Variants in FOXN3 observed in about 807,000 individuals in gnomAD.
FOXN3 encodes forkhead box protein N3.
A neutral mutation model predicts 38.4 loss-of-function variants in FOXN3; 7 were observed. That is an observed-to-expected ratio of 0.18 (90% CI 0.10 to 0.34). The LOEUF is 0.34. FOXN3 is among the 10% of genes least tolerant of loss of function. The pLI, the probability that FOXN3 is intolerant of heterozygous loss-of-function variation, is 1.00. For synonymous variants in FOXN3, 230 were observed against 242.2 expected (o/e 0.95, Z 0.47); for missense variants, 456 against 613.4 (o/e 0.74, Z 2.71).
chr14:89,294,050 C>T (rs1252626559), intron 3 of FOXN3, among the ~76,000 whole-genome samples: 1 of 152,022 alleles, frequency 6.6e-6, no homozygotes, highest in Non-Finnish European at 1.5e-5. Flanking sequence ...TCCTCAGCTA[C>T]GTCCCTGCCT....
intron 4 of FOXN3, among the ~76,000 whole-genome samples, chr14:89,226,766 T>A (rs1429436006): frequency 1.3e-5 from 2 of 152,172 alleles, no homozygotes; most frequent in Admixed American, 6.5e-5. Context: ...TAATCTAATA[T>A]AAGCAGTATC....
In FOXN3 at chr14:89,163,885, G is replaced by A. The variant is rs1041466112; in HGVS notation, c.852-916C>T. On this transcript the variant is annotated intron_variant, in intron 5 of 5. Transcript: ENST00000557258. The surrounding 1 kb of genome is among the most constrained non-coding windows in gnomAD (Gnocchi z 4.3). ...GAGGTCTTAGCTACATCACCAGACC[G>A]ACCCTCCTTTGTGATTTCCCTATAA... Among the ~76,000 whole-genome samples, 1 of 152,182 alleles carries A rather than the reference G, an allele frequency of 6.6e-6. No individual in the cohort carries two copies. The highest frequency in any genetic ancestry group is 1.9e-4 in the East Asian group (1 of 5,190).
chr14:89,366,806 G>A (rs1890173141), intron 2 of FOXN3, among the ~76,000 whole-genome samples: 1 of 152,142 alleles, frequency 6.6e-6, no homozygotes, highest in Non-Finnish European at 1.5e-5. Context: ...CGGCAATAAA[G>A]GTAACGTGGG....
chr14:89,464,760 C>T (rs553527008), intron 1 of FOXN3, among the ~76,000 whole-genome samples: 11 of 152,180 alleles, frequency 7.2e-5, no homozygotes, highest in Non-Finnish European at 1.0e-4. Flanking sequence ...TACAATGGCA[C>T]GATCTCAGCT....
At chr14:89,239,772 C>T (rs1315153984) in intron 4 of FOXN3, among the ~76,000 whole-genome samples, 1 of 152,244 alleles carries the variant, frequency 6.6e-6, no homozygotes, top group Admixed American at 6.5e-5. Context: ...TATTGAAAAC[C>T]AATCATGTGC....
chr14:89,559,451 G>A (rs1330049444), intron 1 of FOXN3, among the ~76,000 whole-genome samples: 1 of 152,148 alleles, frequency 6.6e-6, no homozygotes, highest in Non-Finnish European at 1.5e-5. Context: ...GCTGAGGAGG[G>A]CAGATCACCA....
chr14:89,306,220 G>A (rs1257952868), intron 3 of FOXN3, among the ~76,000 whole-genome samples: 3 of 152,108 alleles, frequency 2.0e-5, no homozygotes, highest in East Asian at 3.9e-4. Context: ...CTGGTGGCAG[G>A]CTCCAACAAC....
At chr14:89,459,263 G>T (rs760497441) in intron 1 of FOXN3, among the ~76,000 whole-genome samples, 32 of 152,226 alleles carry the variant, frequency 2.1e-4, no homozygotes, top group Non-Finnish European at 4.0e-4. Context: ...CTTCAAACCA[G>T]TAGGGGCTTG....
At position 89,548,371 on chromosome 14, in the gene FOXN3, G is replaced by A. The variant is rs1273030649; in HGVS notation, c.-15+70657C>T. Among the ~76,000 whole-genome samples the A allele has an allele frequency of 1.3e-5, 2 of 152,120 alleles. No individual in the cohort carries two copies. The highest frequency in any genetic ancestry group is 4.8e-5 in the African/African-American group (2 of 41,390). On this transcript the variant is annotated intron_variant, in intron 1 of 6. Transcript: ENST00000345097. The surrounding 1 kb of genome is among the most constrained non-coding windows in gnomAD (Gnocchi z 4.8). ...AGGCTACATATACGGTTATAAAGAT[G>A]TGCACATATCACAGCATTACTTATT...
At chr14:89,238,423 T>G (rs553960696) in intron 4 of FOXN3, among the ~76,000 whole-genome samples, 6 of 152,328 alleles carry the variant, frequency 3.9e-5, no homozygotes, top group Non-Finnish European at 5.9e-5. Flanking sequence ...CAGCTGCCAT[T>G]ATCACGGAGG....
intron 1 of FOXN3, among the ~76,000 whole-genome samples, chr14:89,507,123 A>T (rs574888501): frequency 1.3e-4 from 3 of 23,550 alleles, no homozygotes; most frequent in East Asian, 1.2e-3. Context: ...AATGATCAAT[A>T]AAAAAAAAAA....
At chr14:89,604,272 C>G (rs28581817) in intron 1 of FOXN3, among the ~76,000 whole-genome samples, 4,475 of 150,570 alleles carry the variant, frequency 0.03, 64 homozygotes, top group Middle Eastern at 0.058. Context: ...CGCACACACA[C>G]AGAGAGAGAG....
At chr14:89,425,518 C>T (rs963835904) in intron 1 of FOXN3, among the ~76,000 whole-genome samples, 1 of 135,842 alleles carries the variant, frequency 7.4e-6, no homozygotes, top group East Asian at 2.1e-4. Flanking sequence ...CAGGCTTGTG[C>T]CACCATGCCC....
chr14:89,509,033 C>T (rs745978560), intron 1 of FOXN3, among the ~76,000 whole-genome samples: 14 of 152,058 alleles, frequency 9.2e-5, no homozygotes, highest in African/African-American at 2.4e-4. Flanking sequence ...CCCCAGCCTC[C>T]GCTCTACCCC....
intron 4 of FOXN3, among the ~76,000 whole-genome samples, chr14:89,260,837 T>C (rs1360913632): frequency 6.6e-6 from 1 of 152,256 alleles, no homozygotes; most frequent in African/African-American, 2.4e-5. Flanking sequence ...AACGAGCAGC[T>C]ATAACATTTA....
intron 2 of FOXN3, among the ~76,000 whole-genome samples, chr14:89,373,017 C>T (rs1041296443): frequency 1.3e-5 from 2 of 151,864 alleles, no homozygotes; most frequent in Non-Finnish European, 2.9e-5. Flanking sequence ...AATTTAAAAA[C>T]TAGCTGGGTG....
chr14:89,203,324 C>G (rs957154096), intron 4 of FOXN3, among the ~76,000 whole-genome samples: 1 of 152,184 alleles, frequency 6.6e-6, no homozygotes, highest in South Asian at 2.1e-4. Flanking sequence ...AAGCAAACAT[C>G]GCAGAATTCC....
intron 2 of FOXN3, among the ~76,000 whole-genome samples, chr14:89,352,244 T>C (rs1888998382): frequency 6.6e-6 from 1 of 152,224 alleles, no homozygotes; most frequent in African/African-American, 2.4e-5. Context: ...ATTTCAACTT[T>C]GGAAAATTCA....
rs1339305614 is a variant in FOXN3 at position 89,226,174 on chromosome 14, A to AT, written c.746-45369dup. On this transcript the variant is annotated intron_variant, in intron 4 of 5. Coordinates refer to ENST00000557258, the MANE Select transcript of FOXN3 (RefSeq NM_005197.4). ...CTGACCATTGATCTACCAAGGAGAC[A>AT]TAAAAAAAAAAAAAAGGAGGGACAG... is the stretch of plus-strand genomic sequence containing the variant. 9.7e-5 allele frequency among the ~76,000 whole-genome samples: 13 copies of AT among 134,448 alleles called. No individual in the cohort carries two copies. The South Asian group carries it at 1.6e-3, about 16-fold the overall frequency. 88.2% of individuals were successfully genotyped at this position (134,448 alleles called of 152,430 possible).
Sources: allele counts gnomAD v4.1 joint callset (sites outside exome capture counted in the v4.1 genomes callset), GRCh38; gene constraint gnomAD v4.1.1; non-coding constraint Gnocchi (gnomAD v3.1); transcripts MANE v1.5; gene names NCBI Gene and HGNC (gene_info 2026-07-23, HGNC 2026-07-21).